LPP: variants seen among roughly 807,000 people sequenced by gnomAD.
The protein encoded by LPP is lipoma-preferred partner.
Under a neutral mutation model 60.4 loss-of-function variants are expected in LPP, and 38 were observed. The ratio of observed to expected loss-of-function variants is 0.63; its 90% CI spans 0.49 to 0.83. The LOEUF (loss-of-function observed/expected upper bound fraction) is 0.83. LPP is among the 40% of genes least tolerant of loss of function. The pLI is 0.00. For missense variants in LPP, 902 were observed against 783.6 expected (o/e 1.15, Z -1.80); for synonymous variants, 328 against 290.8 (o/e 1.13, Z -1.30).
chr3:188,877,855 G>A lies in LPP; in HGVS notation c.*3376G>A. ...CTCAAAGATGTGGGTTCTTTTTCTT[G>A]TCATTAACACATTGTTATTTCTGTA... On this transcript the variant is annotated 3_prime_UTR_variant, in exon 12 of 12. Transcript: ENST00000617246. 1 of 214,934 alleles carries A rather than the reference G, an allele frequency of 4.7e-6. No homozygotes were observed. The highest frequency in any genetic ancestry group is 9.4e-6 in the Non-Finnish European group (1 of 106,468). 13.3% of individuals were successfully genotyped at this position (214,934 alleles called of 1,614,324 possible). A position where few individuals can be genotyped will look rare whatever the true frequency, so the allele number is the denominator to read the frequency against.
intron 8 of LPP, 64 bp downstream of exon 8, chr3:188,708,457 T>C (rs1176850442): frequency 1.2e-6 from 2 of 1,608,734 alleles, no homozygotes; most frequent in Admixed American, 1.7e-5. Context: ...TCCTTAGTAA[T>C]TGGAACTATT....
rs76579503 is a variant in LPP at position 188,753,935 on chromosome 3, C to A, written c.1241-6178C>A. 8.8e-3 allele frequency among the ~76,000 whole-genome samples: 1,337 copies of A among 152,170 alleles called. 7 individuals carry two copies. Among genetic ancestry groups the A allele is most frequent in the Non-Finnish European group, 0.015 (999 of 68,008 alleles). On this transcript the variant is annotated intron_variant, in intron 8 of 11. Transcript: ENST00000617246. The stretch of plus-strand genomic sequence containing the variant: ...GCACAGTGACAGAACTACATGTGTC[C>A]TACAGTCCAGCTTTTAAGATATGAT...
At chr3:188,346,322 C>T (rs1312956972) in intron 3 of LPP, among the ~76,000 whole-genome samples, 2 of 138,498 alleles carry the variant, frequency 1.4e-5, no homozygotes, top group Non-Finnish European at 3.0e-5. Context: ...TGCAGTGGCA[C>T]GATCTTGGTT....
At chr3:188,447,771 A>G (rs1189442973) in intron 4 of LPP, among the ~76,000 whole-genome samples, 2 of 152,032 alleles carry the variant, frequency 1.3e-5, no homozygotes, top group East Asian at 3.9e-4. Flanking sequence ...GCAAGACTCC[A>G]TCTTAGAAGA....
chr3:188,865,868 G>A (rs1211541978), intron 9 of LPP, among the ~76,000 whole-genome samples: 1 of 152,160 alleles, frequency 6.6e-6, no homozygotes, highest in Non-Finnish European at 1.5e-5. Context: ...GAAGGAACAA[G>A]GATAGCAGTC....
At chr3:188,376,892 G>A (rs1775281997) in intron 3 of LPP, among the ~76,000 whole-genome samples, 1 of 152,124 alleles carries the variant, frequency 6.6e-6, no homozygotes, top group African/African-American at 2.4e-5. Flanking sequence ...CTCTTGTAAG[G>A]CAGGCCTGGT....
At chr3:188,271,768 T>C (rs991532315) in intron 2 of LPP, among the ~76,000 whole-genome samples, 12 of 152,218 alleles carry the variant, frequency 7.9e-5, no homozygotes, top group Admixed American at 7.9e-4. Flanking sequence ...ATGACGTTAG[T>C]TTCTCAGCTG....
intron 9 of LPP, among the ~76,000 whole-genome samples, chr3:188,848,145 T>C (rs566450394): frequency 5.4e-4 from 82 of 152,342 alleles, no homozygotes; most frequent in South Asian, 1.7e-3. Flanking sequence ...CTAGATATGA[T>C]TACAATAGTC....
At chr3:188,554,042 C>T (rs1828863983) in intron 6 of LPP, 1 of 152,076 alleles carries the variant, frequency 6.6e-6, no homozygotes, top group Admixed American at 6.5e-5. Flanking sequence ...TATGAGAAAA[C>T]AATGTATCAC....
chr3:188,318,221 A>C (rs1249001878), intron 2 of LPP, among the ~76,000 whole-genome samples: 4 of 152,114 alleles, frequency 2.6e-5, no homozygotes, highest in Non-Finnish European at 4.4e-5. Flanking sequence ...TTGCTTTTTA[A>C]TTTTAGGCCC....
intron 2 of LPP, among the ~76,000 whole-genome samples, chr3:188,304,429 TAA>T (rs1750875265): frequency 6.6e-6 from 1 of 152,216 alleles, no homozygotes; most frequent in Non-Finnish European, 1.5e-5. Flanking sequence ...ATGCGAATGT[TAA>T]GTTACTAAAT....
At chr3:188,301,441 G>C (rs923102415) in intron 2 of LPP, among the ~76,000 whole-genome samples, 5 of 152,172 alleles carry the variant, frequency 3.3e-5, no homozygotes, top group African/African-American at 1.2e-4. Flanking sequence ...TGCTAATCAG[G>C]ATGTTCTTAG....
intron 6 of LPP, among the ~76,000 whole-genome samples, chr3:188,529,563 C>A (rs1459747530): frequency 6.6e-6 from 1 of 151,864 alleles, no homozygotes; most frequent in Admixed American, 6.6e-5. Context: ...AATGTGAGCT[C>A]TTGAAAATAG....
chr3:188,237,713 T>C (rs985182911), intron 2 of LPP, among the ~76,000 whole-genome samples: 3 of 126,690 alleles, frequency 2.4e-5, no homozygotes, highest in Non-Finnish European at 5.1e-5. Context: ...GCTTAAAATA[T>C]TCTGTAAACC....
chr3:188,708,410 G>A lies in LPP; in HGVS notation c.1240+17G>A, dbSNP rs762504923. 1.4e-5 allele frequency: 23 copies of A among 1,614,168 alleles called. No individual in the cohort carries two copies. Among genetic ancestry groups the A allele is most frequent in the Non-Finnish European group, 1.9e-5 (22 of 1,180,002 alleles). Reference sequence around the variant, plus strand: ...AATACTTTGGTGAGTGGGGCCTAGAGCTGACTTCTGAAGTAACTATCTTGC... The same window carrying A: ...AATACTTTGGTGAGTGGGGCCTAGAACTGACTTCTGAAGTAACTATCTTGC... On this transcript the variant is annotated intron_variant, in intron 8 of 11. Transcript: ENST00000617246.
At chr3:188,243,619 T>C (rs940523055) in intron 2 of LPP, among the ~76,000 whole-genome samples, 1 of 152,234 alleles carries the variant, frequency 6.6e-6, no homozygotes, top group African/African-American at 2.4e-5. Flanking sequence ...TGATTCTTGC[T>C]GTCCTGGGGT....
rs546174506 is a variant in LPP at position 188,302,589 on chromosome 3, T to G, written c.-66-39074T>G. ...CTCACATGCTGCTGTGTGTTTTTGT[T>G]TAACCTAATCTGAGTCTCATTAGGC... is the stretch of plus-strand genomic sequence containing the variant. On this transcript the variant is annotated intron_variant, in intron 2 of 11. Transcript: ENST00000617246. 2.0e-5 allele frequency among the ~76,000 whole-genome samples: 3 copies of G among 152,290 alleles called. No individual in the cohort carries two copies. The East Asian group carries it at 5.8e-4, about 29-fold the overall frequency.
At chr3:188,456,110 C>T (rs1560427662) in intron 4 of LPP, among the ~76,000 whole-genome samples, 1 of 152,156 alleles carries the variant, frequency 6.6e-6, no homozygotes. Context: ...CATGTTGGCA[C>T]TGGGCTCAAA....
chr3:188,167,630 T>G (rs2148768151), intron 1 of LPP, among the ~76,000 whole-genome samples: 1 of 150,958 alleles, frequency 6.6e-6, no homozygotes, highest in South Asian at 2.1e-4. Flanking sequence ...ACCCATTAGC[T>G]AATAATGCAC....
Sources: gnomAD v4.1 joint callset for allele counts (sites outside exome capture counted in the v4.1 genomes callset) on GRCh38, gnomAD v4.1.1 for gene constraint, MANE v1.5 for transcripts, NCBI Gene and HGNC (gene_info 2026-07-23, HGNC 2026-07-21) for gene names.